The following ARHGAP31 variants were observed in gnomAD, a reference collection of about 807,000 sequenced individuals.
ARHGAP31 encodes rho GTPase-activating protein 31.
A neutral mutation model predicts 113.9 loss-of-function variants in ARHGAP31; 34 were observed. That is an observed-to-expected ratio of 0.30 (90% CI 0.23 to 0.40). The LOEUF (loss-of-function observed/expected upper bound fraction) is 0.40. Ranked by LOEUF, ARHGAP31 falls within the 10% of genes least tolerant of loss-of-function variation. The pLI is 1.00. For synonymous variants in ARHGAP31, 650 were observed against 684.8 expected (o/e 0.95, Z 0.79); for missense variants, 1,548 against 1,767.1 (o/e 0.88, Z 2.22).
chr3:119,388,349 A>C (rs928440104), intron 6 of ARHGAP31, among the ~76,000 whole-genome samples: 11 of 128,108 alleles, frequency 8.6e-5, no homozygotes, highest in Non-Finnish European at 1.7e-5. Context: ...AATGTTTGCT[A>C]TATTTTTGTA....
rs772478706 is a variant in ARHGAP31, at chr3:119,416,215, A to G, written c.4286A>G (p.Gln1429Arg). The G allele has an allele frequency of 6.2e-7, 1 of 1,614,224 alleles. No homozygotes were observed. The highest frequency in any genetic ancestry group is 8.5e-7 in the Non-Finnish European group (1 of 1,180,046). The change falls in exon 12 of 12, where the codon CAG (glutamine) becomes CGG (arginine). Residue 1429 changes from glutamine to arginine, a missense_variant. Gln to Arg is a conservative substitution (Grantham distance 43, BLOSUM62 1). Transcript: ENST00000264245. ...TCAACCAGCTGTTTTTACCAGCCTC[A>G]GCGGAGATCAGTAATTCTGGATGGA... ...ETSTSCFYQP[Q>R]RRSVILDGRS...
At position 119,416,397 on chromosome 3, in the gene ARHGAP31, C is replaced by A; in HGVS notation, c.*133C>A. 3.1e-6 allele frequency: 4 copies of A among 1,278,090 alleles called. No individual in the cohort carries two copies. The highest frequency in any genetic ancestry group is 4.4e-6 in the Non-Finnish European group (4 of 906,416). The allele number at this position is 1,278,090 out of a possible 1,614,324, so 79.2% of individuals were successfully genotyped here. ...TGGCCTCTGACTTCTCTTTCTTCAGCCTTTTGACCACTTATTAATTAGTCC... is the reference window on the plus strand; with the variant it reads ...TGGCCTCTGACTTCTCTTTCTTCAGACTTTTGACCACTTATTAATTAGTCC... On this transcript the variant is annotated 3_prime_UTR_variant, in exon 12 of 12. Transcript: ENST00000264245.
chr3:119,345,829 C>T (rs2080051413), intron 1 of ARHGAP31, among the ~76,000 whole-genome samples: 1 of 152,186 alleles, frequency 6.6e-6, no homozygotes, highest in Admixed American at 6.5e-5. Flanking sequence ...GAGCTCTGTA[C>T]ATGACTGCAA....
At chr3:119,332,689 G>A (rs541028146) in intron 1 of ARHGAP31, among the ~76,000 whole-genome samples, 27 of 135,884 alleles carry the variant, frequency 2.0e-4, no homozygotes, top group African/African-American at 5.2e-4. Flanking sequence ...ATGCACGCAC[G>A]ACTTTCAGAC....
At chr3:119,297,131 G>A (rs1358995902) in intron 1 of ARHGAP31, among the ~76,000 whole-genome samples, 1 of 152,240 alleles carries the variant, frequency 6.6e-6, no homozygotes, top group Non-Finnish European at 1.5e-5. Flanking sequence ...ATAATATACT[G>A]CTTATGGAAA....
At chr3:119,335,186 C>A (rs980927253) in intron 1 of ARHGAP31, among the ~76,000 whole-genome samples, 18 of 152,122 alleles carry the variant, frequency 1.2e-4, no homozygotes, top group African/African-American at 4.1e-4. Flanking sequence ...TAATACTGAA[C>A]TGGCATGGGA....
At chr3:119,321,828 T>C (rs993583475) in intron 1 of ARHGAP31, among the ~76,000 whole-genome samples, 1 of 152,106 alleles carries the variant, frequency 6.6e-6, no homozygotes, top group Non-Finnish European at 1.5e-5. Context: ...TGTTTTTGTA[T>C]TTTTAGTGGA....
chr3:119,344,956 TTTTTTTTTGCTGGTGGGA>T (rs2080042487), intron 1 of ARHGAP31, among the ~76,000 whole-genome samples: 1 of 87,262 alleles, frequency 1.1e-5, no homozygotes, highest in Non-Finnish European at 2.0e-5. Flanking sequence ...GCTGGTGGGA[TTTTTTTTTGCTGGTGGGA>T]TTTTTTTTTT....
intron 1 of ARHGAP31, among the ~76,000 whole-genome samples, chr3:119,296,529 C>T (rs1455762467): frequency 6.6e-6 from 1 of 152,176 alleles, no homozygotes; most frequent in African/African-American, 2.4e-5. Context: ...TAGGAATGCT[C>T]CTGGGATGCC....
intron 10 of ARHGAP31, among the ~76,000 whole-genome samples, chr3:119,406,158 T>C (rs978976995): frequency 4.6e-5 from 7 of 152,008 alleles, no homozygotes; most frequent in Admixed American, 1.3e-4. Flanking sequence ...ATGGAGGCAA[T>C]AGGGAGCCAT....
chr3:119,340,059 A>G (rs2079994526), intron 1 of ARHGAP31, among the ~76,000 whole-genome samples: 1 of 152,266 alleles, frequency 6.6e-6, no homozygotes, highest in African/African-American at 2.4e-5. Flanking sequence ...ATATTTAAAA[A>G]CTTTCAAACC....
At chr3:119,311,940 A>T (rs2079686634) in intron 1 of ARHGAP31, among the ~76,000 whole-genome samples, 1 of 152,246 alleles carries the variant, frequency 6.6e-6, no homozygotes, top group South Asian at 2.1e-4. Context: ...AGAGGTAACA[A>T]CAAAAATCAA....
chr3:119,326,177 A>T lies in ARHGAP31; in HGVS notation c.100+31173A>T, dbSNP rs540580889. On this transcript the variant is annotated intron_variant, in intron 1 of 11. Coordinates refer to ENST00000264245, the MANE Select transcript of ARHGAP31 (RefSeq NM_020754.4). ...ATTGCACTCCAGCCTGGGCAACAAGAGCAAAACTCTGTCTCAAAAATAAAA... is the reference window on the plus strand; with the variant it reads ...ATTGCACTCCAGCCTGGGCAACAAGTGCAAAACTCTGTCTCAAAAATAAAA... 1.2e-4 allele frequency among the ~76,000 whole-genome samples: 18 copies of T among 152,306 alleles called. 1 individual carries two copies. The South Asian group carries it at 3.5e-3, about 30-fold the overall frequency.
intron 2 of ARHGAP31, 37 bp from the exon 3 acceptor site, chr3:119,368,335 C>T (rs1335795582): frequency 6.2e-7 from 1 of 1,613,282 alleles, no homozygotes; most frequent in African/African-American, 1.3e-5. Context: ...AACACACACT[C>T]CCTGGGATTG....
intron 1 of ARHGAP31, among the ~76,000 whole-genome samples, chr3:119,361,947 C>G (rs2080210603): frequency 6.6e-6 from 1 of 152,212 alleles, no homozygotes; most frequent in South Asian, 2.1e-4. Context: ...AACATTGCCT[C>G]CCACTTAAAC....
intron 8 of ARHGAP31, among the ~76,000 whole-genome samples, chr3:119,396,346 G>C (rs1323407986): frequency 6.6e-6 from 1 of 152,232 alleles, no homozygotes; most frequent in African/African-American, 2.4e-5. Context: ...TATGCAGTCA[G>C]TGTTGAAAGT....
At chr3:119,412,401 AAAAG>A (rs761060600) in intron 11 of ARHGAP31, among the ~76,000 whole-genome samples, 4,896 of 147,386 alleles carry the variant, frequency 0.033, 116 homozygotes, top group Admixed American at 0.059. Flanking sequence ...CAAAAAAAAA[AAAAG>A]AAAAGAAAGA....
chr3:119,346,560 T>A (rs1280278998), intron 1 of ARHGAP31, among the ~76,000 whole-genome samples: 1 of 152,250 alleles, frequency 6.6e-6, no homozygotes, highest in East Asian at 1.9e-4. Flanking sequence ...CTTATAAGTA[T>A]AAGCTACTTC....
At chr3:119,398,179 A>G (rs539842836) in intron 8 of ARHGAP31, among the ~76,000 whole-genome samples, 3 of 152,138 alleles carry the variant, frequency 2.0e-5, no homozygotes, top group Admixed American at 2.0e-4. Flanking sequence ...GGGCAGGAAG[A>G]TTGCTTGAAC....
Sources: allele counts gnomAD v4.1 joint callset (sites outside exome capture counted in the v4.1 genomes callset), GRCh38; gene constraint gnomAD v4.1.1; transcripts MANE v1.5; gene names NCBI Gene and HGNC (gene_info 2026-07-23, HGNC 2026-07-21).